RBAK: variants seen among roughly 807,000 people sequenced by gnomAD.
RBAK encodes the protein RB-associated KRAB zinc finger protein.
A neutral mutation model predicts 65.8 loss-of-function variants in RBAK; 39 were observed. The observed-to-expected ratio is 0.59, with a 90% CI of 0.46 to 0.77. The LOEUF (loss-of-function observed/expected upper bound fraction) is 0.77, where lower values mean the gene tolerates loss of function less well. Among genes scored for constraint, RBAK ranks in the 30% least tolerant of loss-of-function variants. The probability of loss-of-function intolerance (pLI) is 0.00; values close to 1 mark genes in which losing one functional copy is unlikely to be tolerated. For missense variants in RBAK, 884 were observed against 855.1 expected (o/e 1.03, Z -0.42); for synonymous variants, 343 against 289.7 (o/e 1.18, Z -1.87).
chr7:5,062,766 C>T (rs976277073), intron 4 of RBAK, among the ~76,000 whole-genome samples: 4 of 152,152 alleles, frequency 2.6e-5, no homozygotes, highest in Non-Finnish European at 5.9e-5. Context: ...CACCCCTAGG[C>T]GCATATTCTC....
intron 4 of RBAK, among the ~76,000 whole-genome samples, chr7:5,061,384 A>G (rs1319216917): frequency 1.3e-5 from 2 of 151,710 alleles, no homozygotes; most frequent in Non-Finnish European, 2.9e-5. Flanking sequence ...AAGGTTAGCT[A>G]GTATTAAATA....
rs771088175 is a variant in RBAK at position 5,057,677 on chromosome 7, T to C, written c.143-7T>C. The C allele has an allele frequency of 3.8e-5, 61 of 1,613,662 alleles. No homozygotes were observed. The highest frequency in any genetic ancestry group is 4.9e-5 in the Non-Finnish European group (58 of 1,179,776). On this transcript the variant is annotated splice_polypyrimidine_tract_variant and splice_region_variant and intron_variant, in intron 3 of 4. Transcript: ENST00000396912. Reference sequence around the variant, plus strand: ...TCCCCAAGTCCTCCTTCTTTTCCCATTAACAGGATATGATACCACCAAGCC... The same window carrying C: ...TCCCCAAGTCCTCCTTCTTTTCCCACTAACAGGATATGATACCACCAAGCC...
At chr7:5,046,447 C>G (rs1233412040) in intron 1 of RBAK, 51 bp downstream of exon 1, 3 of 496,456 alleles carry the variant, frequency 6.0e-6, no homozygotes, top group African/African-American at 5.9e-5. Context: ...AGTGAAGTCA[C>G]CGTGTGTTGG....
chr7:5,047,970 G>A, intron 1 of RBAK, 63 bp from the exon 2 acceptor site: 1 of 837,546 alleles, frequency 1.2e-6, no homozygotes, highest in South Asian at 1.7e-5. Context: ...TCTTACGCAG[G>A]AGATTCCTGC....
At chr7:5,057,468 A>C (rs764822729) in intron 3 of RBAK, 47 bp downstream of exon 3, 10 of 1,614,036 alleles carry the variant, frequency 6.2e-6, no homozygotes, top group Non-Finnish European at 8.5e-6. Context: ...ATGGGGTTTT[A>C]TCCTTGAGTT....
Position 5,048,638 on chromosome 7 carries a change from G to C in RBAK, c.15+547G>C, listed in dbSNP as rs1414912525. Among the ~76,000 whole-genome samples the C allele has an allele frequency of 6.6e-6, 1 of 152,216 alleles. No homozygotes were observed. The highest frequency in any genetic ancestry group is 2.4e-5 in the African/African-American group (1 of 41,460). Reference sequence around the variant, plus strand: ...GCACCCAGGACTGATATTCTTGGCAGTCATCACAAAAGGAAAATGCCATCT... The same window carrying C: ...GCACCCAGGACTGATATTCTTGGCACTCATCACAAAAGGAAAATGCCATCT... On this transcript the variant is annotated intron_variant, in intron 2 of 4. Coordinates refer to ENST00000396912, the MANE Select transcript of RBAK (RefSeq NM_021163.4). The surrounding 1 kb of genome is among the most constrained non-coding windows in gnomAD (Gnocchi z 4.4).
In RBAK at chr7:5,063,827, A is replaced by G; in HGVS notation, c.371A>G (p.Glu124Gly). 1.2e-6 allele frequency: 2 copies of G among 1,614,090 alleles called. No homozygotes were observed. The highest frequency in any genetic ancestry group is 1.7e-6 in the Non-Finnish European group (2 of 1,179,980). Residue 124 changes from glutamate to glycine, a missense_variant, in exon 5 of 5, where the codon GAA (glutamate) becomes GGA (glycine). Coordinates refer to ENST00000396912, the MANE Select transcript of RBAK (RefSeq NM_021163.4). ...KENTFSQIYMETSLVPSSIIA... is the reference protein window; with the variant it reads ...KENTFSQIYMGTSLVPSSIIA... ...AATACATTTAGTCAAATTTACATGG[A>G]AACAAGCCTTGTTCCTTCAAGCATA...
Position 5,064,454 on chromosome 7 carries a change from C to G in RBAK, c.998C>G (p.Thr333Ser), listed in dbSNP as rs376056929. The G allele has an allele frequency of 1.9e-6, 3 of 1,613,986 alleles. No homozygotes were observed. The highest frequency in any genetic ancestry group is 1.1e-5 in the South Asian group (1 of 91,064). Reference sequence around the variant, plus strand: ...ACCTTTTGTCAGAAGTTACACCTCACTCAACACCTAAGAACTCATTCAGGA... The same window carrying G: ...ACCTTTTGTCAGAAGTTACACCTCAGTCAACACCTAAGAACTCATTCAGGA... ...GKTFCQKLHL[T>S]QHLRTHSGEK... The change falls in exon 5 of 5, where the codon ACT (threonine) becomes AGT (serine). Residue 333 changes from threonine (T) to serine (S), a missense_variant. By Grantham distance (58) the Thr-to-Ser change is moderately conservative (BLOSUM62 1). Transcript: ENST00000396912. This position sits in a 1 kb window ranked among gnomAD's most constrained non-coding sequence, Gnocchi z 6.3.
chr7:5,048,498 T>C lies in RBAK; in HGVS notation c.15+407T>C, dbSNP rs11971510. Among the ~76,000 whole-genome samples the C allele has an allele frequency of 1.7e-3, 262 of 152,328 alleles. No individual in the cohort carries two copies. The highest frequency in any genetic ancestry group is 6.1e-3 in the African/African-American group (252 of 41,576). ...CAGGATTCATACTTTAAAATGGGAA[T>C]GTGGAAATAGACATTGTCCTGTAAA... On this transcript the variant is annotated intron_variant, in intron 2 of 4. Transcript: ENST00000396912. The surrounding 1 kb of genome is among the most constrained non-coding windows in gnomAD (Gnocchi z 4.4).
rs1276068378 is a variant in RBAK, at chr7:5,066,326, T to A, written c.*725T>A. The A allele has an allele frequency of 3.3e-5, 5 of 152,404 alleles. No homozygotes were observed. Among genetic ancestry groups the A allele is most frequent in the Non-Finnish European group, 7.4e-5 (5 of 67,998 alleles). The allele number at this position is 152,404 out of a possible 1,614,324, so 9.4% of individuals were successfully genotyped here. A position where few individuals can be genotyped will look rare whatever the true frequency, so the allele number is the denominator to read the frequency against. Reference sequence around the variant, plus strand: ...TACAAATGGGTTTTTAACAAATGCCTCATTAGTACAGGAGGCAGTCGTTTT... The same window carrying A: ...TACAAATGGGTTTTTAACAAATGCCACATTAGTACAGGAGGCAGTCGTTTT... On this transcript the variant is annotated 3_prime_UTR_variant, in exon 5 of 5. Coordinates refer to ENST00000396912, the MANE Select transcript of RBAK (RefSeq NM_021163.4).
chr7:5,064,643 C>A lies in RBAK; in HGVS notation c.1187C>A (p.Thr396Lys), dbSNP rs761815000. ...SALSDHQRTHTGEKLYKCNEC... is the reference protein window; with the variant it reads ...SALSDHQRTHKGEKLYKCNEC... ...CTCAGTGACCATCAGAGAACTCACACGGGAGAGAAGCTTTATAAATGTAAT... is the reference window on the plus strand; with the variant it reads ...CTCAGTGACCATCAGAGAACTCACAAGGGAGAGAAGCTTTATAAATGTAAT... The change falls in exon 5 of 5, where the codon ACG becomes AAG. Residue 396 changes from threonine (T) to lysine (K), a missense_variant. Transcript: ENST00000396912. This position sits in a 1 kb window ranked among gnomAD's most constrained non-coding sequence, Gnocchi z 6.3. The A allele has an allele frequency of 6.2e-7, 1 of 1,612,288 alleles. No individual in the cohort carries two copies. Among genetic ancestry groups the A allele is most frequent in the Admixed American group, 1.7e-5 (1 of 59,952 alleles).
chr7:5,049,073 T>C (rs1332696668), intron 2 of RBAK, among the ~76,000 whole-genome samples: 2 of 152,216 alleles, frequency 1.3e-5, no homozygotes, highest in Non-Finnish European at 2.9e-5. Context: ...TTGCATTCAT[T>C]ATAAGGAGAA....
chr7:5,055,277 T>TGC (rs879754736), intron 2 of RBAK, among the ~76,000 whole-genome samples: 7 of 139,758 alleles, frequency 5.0e-5, no homozygotes, highest in African/African-American at 1.6e-4. Context: ...TGTGTGTGTG[T>TGC]GTGCGTGCGT....
Position 5,069,172 on chromosome 7 carries a change from G to A in RBAK, c.*3571G>A, listed in dbSNP as rs1017681783. 1 of 152,136 alleles carries A rather than the reference G, an allele frequency of 6.6e-6. No individual in the cohort carries two copies. The highest frequency in any genetic ancestry group is 1.5e-5 in the Non-Finnish European group (1 of 68,036). The allele number at this position is 152,136 out of a possible 1,614,324, so 9.4% of individuals were successfully genotyped here. A position where few individuals can be genotyped will look rare whatever the true frequency, so the allele number is the denominator to read the frequency against. On this transcript the variant is annotated 3_prime_UTR_variant, in exon 5 of 5. Coordinates refer to ENST00000396912, the MANE Select transcript of RBAK (RefSeq NM_021163.4). Reference sequence around the variant, plus strand: ...ATAAAAGTTTTCTAAAATCACAAATGGCTAACATTTGTGTCGCTCATCACT... The same window carrying A: ...ATAAAAGTTTTCTAAAATCACAAATAGCTAACATTTGTGTCGCTCATCACT...
intron 2 of RBAK, among the ~76,000 whole-genome samples, chr7:5,052,332 T>C (rs960314553): frequency 6.6e-6 from 1 of 152,212 alleles, no homozygotes; most frequent in African/African-American, 2.4e-5. Context: ...TGGGGATGTA[T>C]AGACTGTTTA....
chr7:5,055,102 A>G (rs148543323), intron 2 of RBAK, among the ~76,000 whole-genome samples: 1,690 of 152,142 alleles, frequency 0.011, 23 homozygotes, highest in African/African-American at 0.035. Flanking sequence ...TTTCTTAGTT[A>G]TATTCCTCTA....
chr7:5,065,184 T>C lies in RBAK; in HGVS notation c.1728T>C (p.Phe576=), dbSNP rs1480612923. The C allele has an allele frequency of 6.2e-7, 1 of 1,613,460 alleles. No homozygotes were observed. The highest frequency in any genetic ancestry group is 1.1e-5 in the South Asian group (1 of 90,974). ...GATGTAGCGAATGTGGGAAAACCTT[T>C]TCCCATAATTCATCCCTCTTCAGAC... ...PYGCSECGKT[F]SHNSSLFRHQ... The change falls in exon 5 of 5, where the codon TTT becomes TTC. Residue 576 remains phenylalanine, a synonymous_variant. Coordinates refer to ENST00000396912, the MANE Select transcript of RBAK (RefSeq NM_021163.4). This position sits in a 1 kb window ranked among gnomAD's most constrained non-coding sequence, Gnocchi z 5.3.
chr7:5,061,263 C>G (rs1339425395), intron 4 of RBAK, among the ~76,000 whole-genome samples: 1 of 151,950 alleles, frequency 6.6e-6, no homozygotes, highest in Non-Finnish European at 1.5e-5. Context: ...ACCAAATGCC[C>G]TAGTTAGTAA....
At chr7:5,049,550 G>A (rs1788069562) in intron 2 of RBAK, among the ~76,000 whole-genome samples, 1 of 152,016 alleles carries the variant, frequency 6.6e-6, no homozygotes, top group South Asian at 2.1e-4. Flanking sequence ...AATCCAGAGG[G>A]GATTTCCTAG....
Sources: gnomAD v4.1 joint callset for allele counts (sites outside exome capture counted in the v4.1 genomes callset) on GRCh38, gnomAD v4.1.1 for gene constraint, Gnocchi (gnomAD v3.1) non-coding constraint, MANE v1.5 for transcripts, NCBI Gene and HGNC (gene_info 2026-07-23, HGNC 2026-07-21) for gene names.